The following DTD1 variants were observed in gnomAD, a reference collection of about 807,000 sequenced individuals.
DTD1 encodes the protein D-aminoacyl-tRNA deacylase 1.
DTD1 carries 13 observed loss-of-function variants against 25.6 expected under a neutral mutation model. The observed-to-expected ratio is 0.51, with a 90% CI of 0.33 to 0.81. The LOEUF (loss-of-function observed/expected upper bound fraction) is 0.81, where lower values mean the gene tolerates loss of function less well. DTD1 is among the 30% of genes least tolerant of loss of function. The probability of loss-of-function intolerance (pLI) is 0.02; values close to 1 mark genes in which losing one functional copy is unlikely to be tolerated. For synonymous variants in DTD1, 110 were observed against 103.6 expected, an observed-to-expected ratio of 1.06 and a Z score of -0.37; for missense variants, 193 against 266.4, an observed-to-expected ratio of 0.72 and a Z score of 1.92.
chr20:18,672,888 G>C (rs965279996), intron 4 of DTD1, among the ~76,000 whole-genome samples: 3 of 152,182 alleles, frequency 2.0e-5, no homozygotes, highest in African/African-American at 7.2e-5. Context: ...GACAGGTGCT[G>C]TTCAGTTCAT....
chr20:18,684,289 G>T (rs931576804), intron 4 of DTD1, among the ~76,000 whole-genome samples: 4 of 151,746 alleles, frequency 2.6e-5, no homozygotes, highest in African/African-American at 9.7e-5. Flanking sequence ...TTCACCAAAT[G>T]ACTTTTTTTT....
chr20:18,710,264 T>A (rs1310567927), intron 4 of DTD1, among the ~76,000 whole-genome samples: 2 of 152,220 alleles, frequency 1.3e-5, no homozygotes, highest in Non-Finnish European at 2.9e-5. Context: ...TAAAACTATG[T>A]AAATTCAGTT....
chr20:18,678,637 G>A (rs541107008), intron 4 of DTD1, among the ~76,000 whole-genome samples: 12 of 152,274 alleles, frequency 7.9e-5, no homozygotes, highest in Non-Finnish European at 1.8e-4. Context: ...GTTCAATGTT[G>A]AAATGAAGTT....
intron 4 of DTD1, among the ~76,000 whole-genome samples, chr20:18,672,960 C>T (rs139340896): frequency 2.0e-5 from 3 of 152,282 alleles, no homozygotes; most frequent in South Asian, 2.1e-4. Context: ...CGGGCCCTGT[C>T]GTCCAGCTGG....
chr20:18,727,636 C>T (rs1051033145), intron 4 of DTD1, among the ~76,000 whole-genome samples: 2 of 152,174 alleles, frequency 1.3e-5, no homozygotes, highest in African/African-American at 4.8e-5. Context: ...GAGCAACCAT[C>T]ACCATGAGAA....
chr20:18,596,297 G>A, intron 3 of DTD1, 56 bp downstream of exon 3: 1 of 1,445,398 alleles, frequency 6.9e-7, no homozygotes, highest in African/African-American at 1.4e-5. Context: ...TGGATGGAGA[G>A]AAAAAAGAAG....
intron 4 of DTD1, among the ~76,000 whole-genome samples, chr20:18,728,127 C>T (rs1440323472): frequency 1.3e-5 from 2 of 152,204 alleles, no homozygotes; most frequent in African/African-American, 4.8e-5. Flanking sequence ...AGACTGTCAG[C>T]CCCTCCTGGC....
intron 4 of DTD1, among the ~76,000 whole-genome samples, chr20:18,710,375 A>T (rs535555921): frequency 7.5e-6 from 1 of 134,050 alleles, no homozygotes; most frequent in South Asian, 2.4e-4. Context: ...ACATATTCTG[A>T]TCTTTTTTTT....
chr20:18,620,236 A>C (rs1055520412), intron 3 of DTD1: 6 of 152,220 alleles, frequency 3.9e-5, no homozygotes, highest in Non-Finnish European at 8.8e-5. Flanking sequence ...TGTTATTTTT[A>C]CCTGGAGTGT....
intron 5 of DTD1, among the ~76,000 whole-genome samples, chr20:18,757,977 A>G (rs1237124525): frequency 6.6e-6 from 1 of 152,148 alleles, no homozygotes; most frequent in African/African-American, 2.4e-5. Flanking sequence ...CAGAGATTCA[A>G]CTTCCTCCTG....
At chr20:18,729,663 T>G (rs1219512302) in intron 4 of DTD1, among the ~76,000 whole-genome samples, 10 of 152,226 alleles carry the variant, frequency 6.6e-5, no homozygotes. Context: ...CTTTAAAAAA[T>G]TTATTATGTA....
chr20:18,608,612 G>A (rs191915652), intron 3 of DTD1, among the ~76,000 whole-genome samples: 45 of 152,070 alleles, frequency 3.0e-4, no homozygotes, highest in Middle Eastern at 3.4e-3. Context: ...CCCCACTTTT[G>A]TGCTAAGAAT....
At chr20:18,634,407 A>G (rs1295128990) in intron 4 of DTD1, among the ~76,000 whole-genome samples, 1 of 152,184 alleles carries the variant, frequency 6.6e-6, no homozygotes, top group East Asian at 1.9e-4. Flanking sequence ...ATTCTCATTT[A>G]TTTAGTGCCA....
At chr20:18,753,033 C>T (rs1035271040) in intron 5 of DTD1, among the ~76,000 whole-genome samples, 10 of 152,080 alleles carry the variant, frequency 6.6e-5, no homozygotes, top group South Asian at 2.1e-4. Context: ...TTAGTGATTC[C>T]ATCTATTGCT....
intron 5 of DTD1, among the ~76,000 whole-genome samples, chr20:18,756,371 C>T (rs2061339549): frequency 6.6e-6 from 1 of 152,154 alleles, no homozygotes; most frequent in Non-Finnish European, 1.5e-5. Flanking sequence ...ATTGTATTGC[C>T]TAGGTTTTCT....
intron 4 of DTD1, among the ~76,000 whole-genome samples, chr20:18,682,416 C>CCTAG (rs2061001515): frequency 1.3e-5 from 2 of 152,160 alleles, no homozygotes; most frequent in African/African-American, 4.8e-5. Context: ...TTGTTTTAAT[C>CCTAG]CACTAATAGT....
intron 3 of DTD1, among the ~76,000 whole-genome samples, chr20:18,614,094 T>C (rs2060699337): frequency 6.6e-6 from 1 of 152,210 alleles, no homozygotes; most frequent in Non-Finnish European, 1.5e-5. Flanking sequence ...TGTGAGCCAC[T>C]GCACCCAGCC....
At chr20:18,626,768 A>G (rs1483846845) in intron 3 of DTD1, among the ~76,000 whole-genome samples, 1 of 152,214 alleles carries the variant, frequency 6.6e-6, no homozygotes, top group African/African-American at 2.4e-5. Flanking sequence ...CTGAAGAAAA[A>G]CAGGAAAAGA....
At chr20:18,614,700 C>T (rs959719578) in intron 3 of DTD1, among the ~76,000 whole-genome samples, 1 of 152,150 alleles carries the variant, frequency 6.6e-6, no homozygotes, top group African/African-American at 2.4e-5. Context: ...ATGAGAGAAG[C>T]TGCAGGCTGT....
Sources: allele counts gnomAD v4.1 joint callset (sites outside exome capture counted in the v4.1 genomes callset), GRCh38; gene constraint gnomAD v4.1.1; transcripts MANE v1.5; gene names NCBI Gene and HGNC (gene_info 2026-07-23, HGNC 2026-07-21).